Variants in ZNF208 observed in about 807,000 individuals in gnomAD.
The protein encoded by ZNF208 is zinc finger protein 208.
In ZNF208, 10 loss-of-function variants were observed where a neutral mutation model predicts 12.1. That is an observed-to-expected ratio of 0.83 (90% confidence interval 0.51 to 1.40). ZNF208 has a LOEUF of 1.40. ZNF208 is among the 40% of genes most tolerant of loss of function. The pLI, the probability that ZNF208 is intolerant of heterozygous loss-of-function variation, is 0.00. For synonymous variants in ZNF208, 497 were observed against 488.4 expected (o/e 1.02, Z -0.23); for missense variants, 1,652 against 1,485.0 (o/e 1.11, Z -1.85).
intron 4 of ZNF208, among the ~76,000 whole-genome samples, chr19:21,960,137 T>C (rs1017683510): frequency 1.3e-5 from 2 of 152,138 alleles, no homozygotes; most frequent in African/African-American, 4.8e-5. Flanking sequence ...TCAACTTTTA[T>C]GTTGGGTGGG....
intron 1 of ZNF208, chr19:21,998,024 C>T (rs1371273446): frequency 5.9e-5 from 9 of 151,910 alleles, no homozygotes; most frequent in Admixed American, 5.9e-4. Flanking sequence ...AAATATTTCC[C>T]TAAGAAGAAT....
In ZNF208 at chr19:21,972,807, G is replaced by T; in HGVS notation, c.2227C>A (p.His743Asn). 6.2e-7 allele frequency: 1 copy of T among 1,612,154 alleles called. No individual in the cohort carries two copies. Among genetic ancestry groups the T allele is most frequent in the Admixed American group, 1.7e-5 (1 of 59,900 alleles). Residue 743 changes from histidine (H) to asparagine (N), a missense_variant, in exon 4 of 4, where the codon CAT becomes AAT. Transcript: ENST00000397126. ...CATTTGTAGGGTTTCTCTCCAGTAT[G>T]AATTACCTTATGTTTAGTAAGGACT... ...FSVLTKHKVIHTGEKPYKCEE... is the reference protein window; with the variant it reads ...FSVLTKHKVINTGEKPYKCEE...
chr19:22,004,663 C>T (rs754449988), intron 1 of ZNF208, among the ~76,000 whole-genome samples: 1 of 151,834 alleles, frequency 6.6e-6, no homozygotes, highest in Non-Finnish European at 1.5e-5. Context: ...AAAACTGATG[C>T]GGAAACAGAA....
Position 21,942,123 on chromosome 19 carries a change from G to A in ZNF208, c.306-8886C>T, listed in dbSNP as rs963914699. Among the ~76,000 whole-genome samples the A allele has an allele frequency of 1.1e-4, 17 of 152,074 alleles. 1 individual carries two copies. The highest frequency in any genetic ancestry group is 4.1e-4 in the South Asian group (2 of 4,832). ...ATAGTAAAGAAATGAGTGGTTTGCC[G>A]TATGATATGAATACAGGCATTCAAT... is the stretch of plus-strand genomic sequence containing the variant. On this transcript the variant is annotated intron_variant, in intron 4 of 4. Coordinates refer to the ZNF208 transcript ENST00000599916.
rs781234521 is a variant in ZNF208 at position 21,971,509 on chromosome 19, G to A, written c.3525C>T (p.Gly1175=). 92 of 1,610,560 alleles carry A rather than the reference G, an allele frequency of 5.7e-5. No individual in the cohort carries two copies. The highest frequency in any genetic ancestry group is 7.6e-5 in the Non-Finnish European group (90 of 1,179,738). ...GGATTGAGAACATAACAAAGCCTTT[G>A]CCACATTCTTCACATTTGTAGGGTT... ...VEKPYKCEEC[G]KGFVMFSILA... Residue 1175 remains glycine, a synonymous_variant, in exon 4 of 4, where the codon GGC becomes GGT. Transcript: ENST00000397126.
At chr19:21,978,392 G>C (rs1190063303) in intron 3 of ZNF208, among the ~76,000 whole-genome samples, 1 of 152,212 alleles carries the variant, frequency 6.6e-6, no homozygotes, top group Non-Finnish European at 1.5e-5. Context: ...AGCAATCTTT[G>C]CTGTTCTGCA....
chr19:21,985,903 C>G (rs142400478), intron 3 of ZNF208, among the ~76,000 whole-genome samples: 21 of 152,294 alleles, frequency 1.4e-4, no homozygotes, highest in African/African-American at 4.3e-4. Context: ...CTGCAGAAAC[C>G]TGCCCTAGCA....
At position 21,968,806 on chromosome 19, in the gene ZNF208, G is replaced by A. The variant is rs1413264477; in HGVS notation, c.*2385C>T. Among the ~76,000 whole-genome samples the A allele has an allele frequency of 6.6e-6, 1 of 152,062 alleles. No homozygotes were observed. The highest frequency in any genetic ancestry group is 1.9e-4 in the East Asian group (1 of 5,172). ...GTAAAACTTCGCTGTGATTTCATAT[G>A]ATCCAGGGCTTTTTATGGTTAGTAG... On this transcript the variant is annotated 3_prime_UTR_variant, in exon 4 of 4. Transcript: ENST00000397126.
At chr19:21,955,700 T>G (rs1331623249) in intron 4 of ZNF208, among the ~76,000 whole-genome samples, 1 of 152,232 alleles carries the variant, frequency 6.6e-6, no homozygotes, top group African/African-American at 2.4e-5. Flanking sequence ...AGGTCTTCTC[T>G]ATGCTGTTTA....
chr19:21,951,875 G>A (rs1473565197), intron 4 of ZNF208, among the ~76,000 whole-genome samples: 3 of 152,206 alleles, frequency 2.0e-5, no homozygotes, highest in African/African-American at 7.2e-5. Context: ...CAAGGGGTTG[G>A]GGGATTTCCC....
chr19:21,982,052 A>C (rs1437137274), intron 3 of ZNF208, among the ~76,000 whole-genome samples: 4 of 152,126 alleles, frequency 2.6e-5, no homozygotes, highest in African/African-American at 7.2e-5. Context: ...AAGAGAGGAC[A>C]CAAAAAATGG....
intron 4 of ZNF208, among the ~76,000 whole-genome samples, chr19:21,955,355 C>T (rs1020407364): frequency 9.9e-5 from 15 of 152,098 alleles, no homozygotes; most frequent in African/African-American, 3.4e-4. Context: ...TCTGTATTTC[C>T]TGAATTTGAA....
At chr19:21,943,452 G>A (rs181363425) in intron 4 of ZNF208, among the ~76,000 whole-genome samples, 41 of 152,238 alleles carry the variant, frequency 2.7e-4, no homozygotes, top group Non-Finnish European at 4.3e-4. Flanking sequence ...TTGCCACAGT[G>A]GCATACTAAT....
intron 4 of ZNF208, among the ~76,000 whole-genome samples, chr19:21,948,671 G>A (rs1969848598): frequency 6.6e-6 from 1 of 152,108 alleles, no homozygotes; most frequent in Non-Finnish European, 1.5e-5. Flanking sequence ...TAATGACCCT[G>A]ATACATATAT....
chr19:22,003,968 A>G (rs1194855618), intron 1 of ZNF208, among the ~76,000 whole-genome samples: 1 of 151,998 alleles, frequency 6.6e-6, no homozygotes, highest in African/African-American at 2.4e-5. Flanking sequence ...CAGGGGTTTG[A>G]GACAGGCATG....
At chr19:21,960,118 C>T (rs1178106895) in intron 4 of ZNF208, among the ~76,000 whole-genome samples, 2 of 152,086 alleles carry the variant, frequency 1.3e-5, no homozygotes, top group African/African-American at 4.8e-5. Flanking sequence ...TGAGAAATGA[C>T]ACAAAGATTC....
chr19:21,973,680 G>T lies in ZNF208; in HGVS notation c.1354C>A (p.Pro452Thr), dbSNP rs12975751. Residue 452 changes from proline to threonine, a missense_variant, in exon 4 of 4, where the codon CCC becomes ACC. Pro to Thr is a conservative substitution (Grantham distance 38, BLOSUM62 -1). Coordinates refer to ENST00000397126, the MANE Select transcript of ZNF208 (RefSeq NM_007153.3). ...EHKKIHTGETPYKCEECGKGF... is the reference protein window; with the variant it reads ...EHKKIHTGETTYKCEECGKGF... The stretch of plus-strand genomic sequence containing the variant: ...TTGCCACATTCTTCACATTTGTAGG[G>T]TGTCTCTCCAGTGTGAATTTTCTTA... The T allele has an allele frequency of 0.39, 635,586 of 1,610,552 alleles. 131,255 individuals carry two copies. Among genetic ancestry groups the T allele is most frequent in the East Asian group, 0.44 (19,548 of 44,506 alleles).
intron 1 of ZNF208, among the ~76,000 whole-genome samples, chr19:22,003,458 A>T (rs759807412): frequency 6.6e-6 from 1 of 151,916 alleles, no homozygotes; most frequent in Admixed American, 6.6e-5. Context: ...TCTAGAATCC[A>T]TAAGGAACTA....
In ZNF208 at chr19:21,973,999, T is replaced by G. The variant is rs1216445800; in HGVS notation, c.1035A>C (p.Glu345Asp). ...AGAACTTACTAAAGGCTTTGCCACA[T>G]TCTTTACATTTGTAGGGCTTCTCTC... ...HAGEKPYKCK[E>D]CGKAFSKFSI... is the part of the protein sequence containing the mutation. The change falls in exon 4 of 4, where the codon GAA (glutamate) becomes GAC (aspartate). Residue 345 changes from glutamate to aspartate, a missense_variant. This residue lies in a region of ZNF208 where 3 missense variants were observed against 20.6 expected (regional missense o/e 0.15). Coordinates refer to ENST00000397126, the MANE Select transcript of ZNF208 (RefSeq NM_007153.3). 1.3e-6 allele frequency: 2 copies of G among 1,573,868 alleles called. No individual in the cohort carries two copies. Among genetic ancestry groups the G allele is most frequent in the East Asian group, 2.4e-5 (1 of 42,212 alleles).
Sources: gnomAD v4.1 joint callset for allele counts (sites outside exome capture counted in the v4.1 genomes callset) on GRCh38, gnomAD v4.1.1 for gene constraint, gnomAD v4.1.1 regional missense constraint, MANE v1.5 for transcripts, NCBI Gene and HGNC (gene_info 2026-07-23, HGNC 2026-07-21) for gene names.